Variants in CNTN6 observed in about 807,000 individuals in gnomAD.
CNTN6 encodes contactin-6.
Under a neutral mutation model 122.8 loss-of-function variants are expected in CNTN6, and 137 were observed. That is an observed-to-expected ratio of 1.12 (90% confidence interval 0.97 to 1.29). The LOEUF (loss-of-function observed/expected upper bound fraction) is 1.29, where lower values mean the gene tolerates loss of function less well. Ranked by LOEUF, CNTN6 falls within the 50% of genes most tolerant of loss-of-function variation. The probability of loss-of-function intolerance (pLI) is 0.00; values close to 1 mark genes in which losing one functional copy is unlikely to be tolerated. For synonymous variants in CNTN6, 570 were observed against 426.0 expected, an observed-to-expected ratio of 1.34 and a Z score of -4.16; for missense variants, 1,634 against 1,223.4, an observed-to-expected ratio of 1.34 and a Z score of -5.01.
chr3:1,359,704 T>A lies in CNTN6; in HGVS notation c.1492+7253T>A, dbSNP rs571846422. Among the ~76,000 whole-genome samples, 16 of 152,138 alleles carry A rather than the reference T, an allele frequency of 1.1e-4. No homozygotes were observed. The East Asian group carries it at 3.1e-3, about 30-fold the overall frequency. ...TATAAAACATTTTAGACTTACGGAT[T>A]GTATTTGCAAAAAGGAAAAGCTTAT... On this transcript the variant is annotated intron_variant, in intron 12 of 22. Coordinates refer to ENST00000446702, the MANE Select transcript of CNTN6 (RefSeq NM_001289080.2).
In CNTN6 at chr3:1,106,970, A is replaced by G. The variant is rs1410241649; in HGVS notation, c.-83+13850A>G. 3.3e-5 allele frequency among the ~76,000 whole-genome samples: 5 copies of G among 152,268 alleles called. No homozygotes were observed. In the East Asian group the frequency reaches 7.7e-4, roughly 23 times the overall value. On this transcript the variant is annotated intron_variant, in intron 1 of 22. Transcript: ENST00000446702. Reference sequence around the variant, plus strand: ...TAGAACGAATAGTGCCACATTATCTATCTATCTATCTCTCTAAATATATGA... The same window carrying G: ...TAGAACGAATAGTGCCACATTATCTGTCTATCTATCTCTCTAAATATATGA...
intron 20 of CNTN6, among the ~76,000 whole-genome samples, chr3:1,387,870 G>C (rs546969717): frequency 1.3e-5 from 2 of 152,274 alleles, no homozygotes; most frequent in South Asian, 4.1e-4. Context: ...AAAAAACGGC[G>C]CACCACGAGA....
At chr3:1,397,792 A>C (rs1226799335) in intron 20 of CNTN6, among the ~76,000 whole-genome samples, 1 of 152,144 alleles carries the variant, frequency 6.6e-6, no homozygotes, top group East Asian at 1.9e-4. Context: ...TCCATATTTA[A>C]ACATAAAGGA....
chr3:1,154,448 C>CTTTTTTTTTTTTTTTTTTTTTTTT (rs771133835), intron 2 of CNTN6, among the ~76,000 whole-genome samples: 11 of 140,508 alleles, frequency 7.8e-5, no homozygotes, highest in African/African-American at 1.1e-4. Flanking sequence ...TCTTTTCTTT[C>CTTTTTTTTTTTTTTTTTTTTTTTT]TTTTTTTTTT....
chr3:1,266,989 C>T (rs951786428), intron 4 of CNTN6, among the ~76,000 whole-genome samples: 3 of 127,076 alleles, frequency 2.4e-5, no homozygotes, highest in Non-Finnish European at 3.1e-5. Context: ...CAGAGTCTCT[C>T]TCTGTAACCT....
At chr3:1,349,252 T>C (rs1430561152) in intron 11 of CNTN6, among the ~76,000 whole-genome samples, 3 of 151,920 alleles carry the variant, frequency 2.0e-5, no homozygotes, top group Non-Finnish European at 2.9e-5. Context: ...ACATATAATA[T>C]GTAATCATGG....
chr3:1,263,305 ACT>A (rs1190537386), intron 4 of CNTN6, among the ~76,000 whole-genome samples: 44 of 152,004 alleles, frequency 2.9e-4, no homozygotes, highest in Non-Finnish European at 7.4e-5. Context: ...CTATGTGAAC[ACT>A]CTTTTTATGT....
At chr3:1,349,631 G>A (rs1705315159) in intron 11 of CNTN6, among the ~76,000 whole-genome samples, 1 of 151,748 alleles carries the variant, frequency 6.6e-6, no homozygotes, top group East Asian at 1.9e-4. Flanking sequence ...CAATTGCTCA[G>A]TGCCATTTGA....
At chr3:1,165,238 C>A (rs1174738327) in intron 2 of CNTN6, among the ~76,000 whole-genome samples, 2 of 152,096 alleles carry the variant, frequency 1.3e-5, no homozygotes, top group Admixed American at 6.5e-5. Context: ...AAGCCGTTGG[C>A]TCTTCCCATT....
intron 2 of CNTN6, among the ~76,000 whole-genome samples, chr3:1,156,696 CCTTCCTTCCTTCCTT>C (rs2092974835): frequency 7.0e-6 from 1 of 142,812 alleles, no homozygotes; most frequent in Non-Finnish European, 1.5e-5. Flanking sequence ...TCCCTCCCTT[CCTTCCTTCCTTCCTT>C]CTTCTTTCTT....
At chr3:1,367,471 T>C (rs1212331112) in intron 12 of CNTN6, among the ~76,000 whole-genome samples, 1 of 152,088 alleles carries the variant, frequency 6.6e-6, no homozygotes, top group Non-Finnish European at 1.5e-5. Flanking sequence ...GTTTGAAATA[T>C]TCTGCTGTGA....
rs142141892 is a variant in CNTN6 at position 1,132,246 on chromosome 3, ATC to A, written c.-82-15679_-82-15678del. On this transcript the variant is annotated intron_variant, in intron 1 of 22. Coordinates refer to ENST00000446702, the MANE Select transcript of CNTN6 (RefSeq NM_001289080.2). ...TTTTTCAAACTCATGTCTTTTAAAAATCTGTTTGCAACCAATAAGCCAAAAAT... is the reference window on the plus strand; with the variant it reads ...TTTTTCAAACTCATGTCTTTTAAAAATGTTTGCAACCAATAAGCCAAAAAT... 9.5e-3 allele frequency among the ~76,000 whole-genome samples: 1,448 copies of A among 152,224 alleles called. 30 individuals carry two copies. The highest frequency in any genetic ancestry group is 0.032 in the African/African-American group (1,339 of 41,534).
chr3:1,282,472 G>A (rs1693637062), intron 5 of CNTN6, among the ~76,000 whole-genome samples: 1 of 152,192 alleles, frequency 6.6e-6, no homozygotes, highest in African/African-American at 2.4e-5. Context: ...TAATCTGAGT[G>A]GAGGAGTATA....
intron 1 of CNTN6, among the ~76,000 whole-genome samples, chr3:1,147,587 T>G (rs950277044): frequency 8.2e-6 from 1 of 122,618 alleles, no homozygotes; most frequent in African/African-American, 3.1e-5. Context: ...AAAATTATGA[T>G]GCAACCCCCT....
chr3:1,122,370 G>GGGAGGGAGGGAGGAAT, intron 1 of CNTN6, among the ~76,000 whole-genome samples: 1 of 144,262 alleles, frequency 6.9e-6, no homozygotes, highest in African/African-American at 2.9e-5. Flanking sequence ...GAGGAAGGAA[G>GGGAGGGAGGGAGGAAT]GAAGGAAGGG....
At chr3:1,234,605 C>T (rs1366949807) in intron 4 of CNTN6, among the ~76,000 whole-genome samples, 1 of 152,140 alleles carries the variant, frequency 6.6e-6, no homozygotes, top group Non-Finnish European at 1.5e-5. Flanking sequence ...ATTGTAAAGT[C>T]TCCGATAATT....
At chr3:1,183,075 G>A (rs1274931652) in intron 2 of CNTN6, among the ~76,000 whole-genome samples, 1 of 152,072 alleles carries the variant, frequency 6.6e-6, no homozygotes, top group Non-Finnish European at 1.5e-5. Flanking sequence ...TGCTAATGTT[G>A]TGATCTTTTT....
intron 5 of CNTN6, among the ~76,000 whole-genome samples, chr3:1,292,364 A>G (rs1695468093): frequency 6.6e-6 from 1 of 152,112 alleles, no homozygotes; most frequent in South Asian, 2.1e-4. Flanking sequence ...GGCTTTTGCT[A>G]CATTTTATTT....
intron 4 of CNTN6, among the ~76,000 whole-genome samples, chr3:1,238,642 C>T (rs897253781): frequency 6.6e-6 from 1 of 152,154 alleles, no homozygotes; most frequent in Non-Finnish European, 1.5e-5. Context: ...AATACACATT[C>T]TATTCATCAG....
Sources: gnomAD v4.1 joint callset for allele counts (sites outside exome capture counted in the v4.1 genomes callset) on GRCh38, gnomAD v4.1.1 for gene constraint, MANE v1.5 for transcripts, NCBI Gene and HGNC (gene_info 2026-07-23, HGNC 2026-07-21) for gene names.